The following KCNU1 variants were observed in gnomAD, a reference collection of about 807,000 sequenced individuals.
KCNU1 encodes the protein potassium channel subfamily U member 1.
KCNU1 carries 93 observed loss-of-function variants against 126.8 expected under a neutral mutation model. The ratio of observed to expected loss-of-function variants is 0.73; its 90% confidence interval spans 0.62 to 0.87. The LOEUF is 0.87. Ranked by LOEUF, KCNU1 falls within the 40% of genes least tolerant of loss-of-function variation. The pLI is 0.00. For missense variants in KCNU1, 1,330 were observed against 1,367.1 expected, an observed-to-expected ratio of 0.97 and a Z score of 0.43; for synonymous variants, 523 against 494.2, an observed-to-expected ratio of 1.06 and a Z score of -0.77.
intron 18 of KCNU1, among the ~76,000 whole-genome samples, chr8:36,848,198 G>A (rs1246871756): frequency 4.6e-5 from 7 of 151,960 alleles, no homozygotes; most frequent in East Asian, 1.9e-4. Flanking sequence ...GATATTAGTC[G>A]CATGTCAGAT....
chr8:36,799,732 G>C (rs1427430691), intron 2 of KCNU1, among the ~76,000 whole-genome samples: 3 of 151,370 alleles, frequency 2.0e-5, no homozygotes, highest in Non-Finnish European at 4.4e-5. Flanking sequence ...AGTAGAGATG[G>C]GGTTTCACCA....
chr8:36,820,780 T>C (rs970994766), intron 10 of KCNU1, among the ~76,000 whole-genome samples: 9 of 151,982 alleles, frequency 5.9e-5, no homozygotes, highest in African/African-American at 1.5e-4. Flanking sequence ...AAGGTCAAAA[T>C]TGAATCAAGG....
chr8:36,935,571 T>C lies in KCNU1; in HGVS notation c.3101T>C (p.Phe1034Ser), dbSNP rs780620604. 11 of 1,612,790 alleles carry C rather than the reference T, an allele frequency of 6.8e-6. No individual in the cohort carries two copies. The highest frequency in any genetic ancestry group is 1.6e-4 in the Middle Eastern group (1 of 6,064). ...EFKLLPSDLV[F>S]CAIPFSTACY... ...AAGCTGCTGCCTTCAGATCTTGTGTTTTGTGCCATACCCTTCAGCACTGCT... is the reference window on the plus strand; with the variant it reads ...AAGCTGCTGCCTTCAGATCTTGTGTCTTGTGCCATACCCTTCAGCACTGCT... Residue 1034 changes from phenylalanine (F) to serine (S), a missense_variant, in exon 27 of 27, where the codon TTT becomes TCT. Transcript: ENST00000399881.
chr8:36,932,333 T>C (rs1420693641), intron 25 of KCNU1, among the ~76,000 whole-genome samples: 1 of 152,076 alleles, frequency 6.6e-6, no homozygotes, highest in Non-Finnish European at 1.5e-5. Context: ...CTCCCTCCTC[T>C]CTCCATTTAT....
chr8:36,893,257 A>G (rs951645422), intron 19 of KCNU1, among the ~76,000 whole-genome samples: 1 of 151,282 alleles, frequency 6.6e-6, no homozygotes, highest in African/African-American at 2.4e-5. Context: ...TACAGGCATG[A>G]GCCACCACAT....
At position 36,903,800 on chromosome 8, in the gene KCNU1, G is replaced by T. The variant is rs1034301065; in HGVS notation, c.2010-1908G>T. On this transcript the variant is annotated intron_variant, in intron 19 of 26. Coordinates refer to ENST00000399881, the MANE Select transcript of KCNU1 (RefSeq NM_001031836.3). ...GAGGCCTCAAGAAGCTTACCATCGT[G>T]GTGGAAGGGGAAGCAAAGAAGTCCT... Among the ~76,000 whole-genome samples the T allele has an allele frequency of 4.6e-5, 7 of 152,128 alleles. No individual in the cohort carries two copies. In the South Asian group the frequency reaches 6.2e-4, roughly 13 times the overall value.
At chr8:36,828,898 A>G (rs909490130) in intron 10 of KCNU1, among the ~76,000 whole-genome samples, 2 of 152,134 alleles carry the variant, frequency 1.3e-5, no homozygotes, top group Non-Finnish European at 2.9e-5. Context: ...CTTCACACAT[A>G]TATATACATA....
At chr8:36,910,579 C>T (rs1807829694) in intron 21 of KCNU1, among the ~76,000 whole-genome samples, 2 of 152,128 alleles carry the variant, frequency 1.3e-5, no homozygotes, top group Admixed American at 6.6e-5. Flanking sequence ...CCTCTAGATC[C>T]ATAACCTCTC....
chr8:36,786,306 G>A (rs1802709530), intron 1 of KCNU1, among the ~76,000 whole-genome samples: 1 of 152,102 alleles, frequency 6.6e-6, no homozygotes, highest in Non-Finnish European at 1.5e-5. Context: ...GAATTCAAAT[G>A]AGTATTCTAT....
intron 19 of KCNU1, among the ~76,000 whole-genome samples, chr8:36,871,048 T>A (rs1806084288): frequency 1.3e-5 from 2 of 152,286 alleles, no homozygotes; most frequent in Non-Finnish European, 2.9e-5. Context: ...GTGTCTGCAA[T>A]GAAGTTTAAT....
rs1355337523 is a variant in KCNU1 at position 36,864,647 on chromosome 8, C to T, written c.2009+126C>T. On this transcript the variant is annotated intron_variant, in intron 19 of 26. Transcript: ENST00000399881. ...TACTGACCAATGGAATTGTTCCTCC[C>T]CAAAATGAGATCATCTCCACCTTGC... 3 of 635,280 alleles carry T rather than the reference C, an allele frequency of 4.7e-6. No homozygotes were observed. In the African/African-American group the frequency reaches 5.5e-5, roughly 12 times the overall value. 39.4% of individuals were successfully genotyped at this position (635,280 alleles called of 1,614,324 possible). A position where few individuals can be genotyped will look rare whatever the true frequency, so the allele number is the denominator to read the frequency against.
At chr8:36,879,816 C>T (rs968966787) in intron 19 of KCNU1, among the ~76,000 whole-genome samples, 2 of 152,140 alleles carry the variant, frequency 1.3e-5, no homozygotes, top group African/African-American at 4.8e-5. Context: ...TTCTGGAAGG[C>T]CTGCCTCGAG....
chr8:36,918,815 C>T lies in KCNU1; in HGVS notation c.2522-8C>T, dbSNP rs78728633. ...GTTTGCATTTATCACCTCTTTTCTT[C>T]TTTGCAGAGGAGACTCCAGGTTACA... On this transcript the variant is annotated splice_polypyrimidine_tract_variant and splice_region_variant and intron_variant, in intron 22 of 26. Transcript: ENST00000399881. 6,015 of 1,574,000 alleles carry T rather than the reference C, an allele frequency of 3.8e-3. 214 individuals are homozygous for T. The African/African-American group carries it at 0.072, about 19-fold the overall frequency.
At chr8:36,925,885 G>A (rs373561018) in intron 24 of KCNU1, among the ~76,000 whole-genome samples, 6 of 152,062 alleles carry the variant, frequency 3.9e-5, no homozygotes, top group South Asian at 2.1e-4. Flanking sequence ...CAATGACCTC[G>A]ATCTCCCCAT....
chr8:36,833,531 C>A lies in KCNU1; in HGVS notation c.1107-23C>A, dbSNP rs747264167. The stretch of plus-strand genomic sequence containing the variant: ...GTCAATCATCTTTTTTCCCTCATTG[C>A]TGCCACGTTCTTTTTTGTCCAGAAC... On this transcript the variant is annotated intron_variant, in intron 10 of 26. Transcript: ENST00000399881. 1.9e-5 allele frequency: 27 copies of A among 1,420,756 alleles called. 1 individual carries two copies. In the South Asian group the frequency reaches 2.3e-4, roughly 12 times the overall value. 88.0% of individuals were successfully genotyped at this position (1,420,756 alleles called of 1,614,324 possible). A position where few individuals can be genotyped will look rare whatever the true frequency, so the allele number is the denominator to read the frequency against.
intron 19 of KCNU1, among the ~76,000 whole-genome samples, chr8:36,897,190 T>A (rs1364150440): frequency 1.3e-5 from 2 of 151,744 alleles, no homozygotes; most frequent in Non-Finnish European, 2.9e-5. Flanking sequence ...GTGTGTGTGT[T>A]TGGTGGTGAT....
At chr8:36,903,478 T>C (rs1053608520) in intron 19 of KCNU1, among the ~76,000 whole-genome samples, 3 of 152,108 alleles carry the variant, frequency 2.0e-5, no homozygotes, top group African/African-American at 7.2e-5. Context: ...CACAGTACAG[T>C]ATATTCCAAA....
At chr8:36,868,089 A>T (rs181753170) in intron 19 of KCNU1, among the ~76,000 whole-genome samples, 1 of 152,286 alleles carries the variant, frequency 6.6e-6, no homozygotes, top group Admixed American at 6.5e-5. Flanking sequence ...AGATGGTGGT[A>T]TATCCTTGAA....
At chr8:36,842,133 G>A (rs945798758) in intron 16 of KCNU1, among the ~76,000 whole-genome samples, 17 of 152,170 alleles carry the variant, frequency 1.1e-4, no homozygotes, top group African/African-American at 1.7e-4. Context: ...CCCTGTGGCC[G>A]TGGATAAGGA....
Sources: allele counts gnomAD v4.1 joint callset (sites outside exome capture counted in the v4.1 genomes callset), GRCh38; gene constraint gnomAD v4.1.1; transcripts MANE v1.5; gene names NCBI Gene and HGNC (gene_info 2026-07-23, HGNC 2026-07-21).